SLC22A16: variants seen among roughly 807,000 people sequenced by gnomAD.
SLC22A16 encodes the protein WUGSC:RG331P03.1.
A neutral mutation model predicts 52.9 loss-of-function variants in SLC22A16; 53 were observed. The observed-to-expected ratio is 1.00, with a 90% CI of 0.80 to 1.26. The LOEUF (loss-of-function observed/expected upper bound fraction) is 1.26, where lower values mean the gene tolerates loss of function less well. Ranked by LOEUF, SLC22A16 falls within the 50% of genes most tolerant of loss-of-function variation. SLC22A16 has a pLI of 0.00. For synonymous variants in SLC22A16, 291 were observed against 268.8 expected, an observed-to-expected ratio of 1.08 and a Z score of -0.81; for missense variants, 726 against 704.0, an observed-to-expected ratio of 1.03 and a Z score of -0.35.
intron 1 of SLC22A16, among the ~76,000 whole-genome samples, chr6:110,466,786 A>C (rs1305857223): frequency 6.6e-6 from 1 of 152,210 alleles, no homozygotes; most frequent in Non-Finnish European, 1.5e-5. Context: ...ATTTACCCAA[A>C]GGAAAAGAAA....
chr6:110,463,731 A>G (rs1054715061), intron 1 of SLC22A16, among the ~76,000 whole-genome samples: 3 of 152,006 alleles, frequency 2.0e-5, no homozygotes, highest in African/African-American at 7.2e-5. Context: ...TAAGCTGTCA[A>G]TGATGACAGA....
Position 110,446,941 on chromosome 6 carries a change from AC to A in SLC22A16, c.582del (p.Leu194PhefsTer4). 6.2e-7 allele frequency: 1 copy of A among 1,613,976 alleles called. No homozygotes were observed. The highest frequency in any genetic ancestry group is 8.5e-7 in the Non-Finnish European group (1 of 1,179,886). On this transcript the variant is annotated frameshift_variant, in exon 3 of 8. Coordinates refer to ENST00000368919, the MANE Select transcript of SLC22A16 (RefSeq NM_033125.4). LOFTEE classifies it high-confidence loss of function. ...VLWATSSSMF[L>X]FGIAAAFAVD... ...ACTGCAAACGCCGCTGCTATTCCAA[AC>A]AAAAACATGCTACTGCTTGTGGCCC...
At chr6:110,433,965 A>G (rs10457208) in intron 6 of SLC22A16, among the ~76,000 whole-genome samples, 14,954 of 152,174 alleles carry the variant, frequency 0.098, 1,428 homozygotes, top group African/African-American at 0.25. Flanking sequence ...GACGGGCCGG[A>G]CGCAGTGGCT....
chr6:110,473,926 A>C (rs1776366326), intron 1 of SLC22A16, among the ~76,000 whole-genome samples: 1 of 152,000 alleles, frequency 6.6e-6, no homozygotes, highest in Admixed American at 6.5e-5. Flanking sequence ...AGGGGTCCCA[A>C]AGCCCCAGGC....
At chr6:110,453,339 G>A (rs1775456095) in intron 2 of SLC22A16, among the ~76,000 whole-genome samples, 1 of 151,980 alleles carries the variant, frequency 6.6e-6, no homozygotes, top group South Asian at 2.1e-4. Context: ...TATGTCTTTT[G>A]GTTTTCACTG....
At chr6:110,474,862 A>G (rs1274272166) in intron 1 of SLC22A16, 4 of 509,544 alleles carry the variant, frequency 7.9e-6, no homozygotes, top group Non-Finnish European at 1.2e-5. Context: ...TTAGTCAAAC[A>G]CCAACTAATA....
chr6:110,467,270 T>C (rs1312722550), intron 1 of SLC22A16, among the ~76,000 whole-genome samples: 1 of 152,150 alleles, frequency 6.6e-6, no homozygotes, highest in Non-Finnish European at 1.5e-5. Context: ...GTCTTTTTAC[T>C]TGCTTCCGCC....
intron 6 of SLC22A16, among the ~76,000 whole-genome samples, chr6:110,433,632 G>T (rs1582524218): frequency 6.6e-6 from 1 of 152,178 alleles, no homozygotes; most frequent in African/African-American, 2.4e-5. Context: ...TAAGCAGTTA[G>T]ATTTTTTAAT....
At position 110,433,302 on chromosome 6, in the gene SLC22A16, T is replaced by A. The variant is rs567613722; in HGVS notation, c.1422-2032A>T. 9.9e-5 allele frequency among the ~76,000 whole-genome samples: 15 copies of A among 152,154 alleles called. 1 individual carries two copies. Among genetic ancestry groups the A allele is most frequent in the Admixed American group, 3.3e-4 (5 of 15,276 alleles). ...ATCTATCCATTCTTCCATCCCTCCA[T>A]CCATCCATCCATCCATCTAGATATC... On this transcript the variant is annotated intron_variant, in intron 6 of 7. Transcript: ENST00000368919.
At chr6:110,447,103 T>A in intron 2 of SLC22A16, 113 bp from the exon 3 acceptor site, 1 of 770,708 alleles carries the variant, frequency 1.3e-6, no homozygotes, top group Non-Finnish European at 2.1e-6. Context: ...ATAGCTTATG[T>A]ATTGATTGTT....
chr6:110,433,180 A>T (rs1774575778), intron 6 of SLC22A16, among the ~76,000 whole-genome samples: 1 of 152,210 alleles, frequency 6.6e-6, no homozygotes, highest in African/African-American at 2.4e-5. Context: ...GGGCTAATAG[A>T]CAATTACATA....
In SLC22A16 at chr6:110,446,896, C is replaced by A. The variant is rs1340213106; in HGVS notation, c.628G>T (p.Ala210Ser). 1 of 1,613,204 alleles carries A rather than the reference C, an allele frequency of 6.2e-7. No homozygotes were observed. Among genetic ancestry groups the A allele is most frequent in the Non-Finnish European group, 8.5e-7 (1 of 1,179,750 alleles). The change falls in exon 3 of 8, where the codon GCT (alanine) becomes TCT (serine). Residue 210 changes from alanine (A) to serine (S), a missense_variant. Coordinates refer to ENST00000368919, the MANE Select transcript of SLC22A16 (RefSeq NM_033125.4). ...ACCATGGCAAGAAAAAAGCGAGCAG[C>A]CATGAAGGTGTAATAATCAACTGCA... The part of the protein sequence containing the change: ...AFAVDYYTFM[A>S]ARFFLAMVAS...
intron 1 of SLC22A16, chr6:110,474,803 AC>A (rs1420073141): frequency 1.0e-4 from 43 of 418,390 alleles, no homozygotes; most frequent in South Asian, 7.5e-4. Flanking sequence ...GTGGGCAGTT[AC>A]TGGAGAGGCA....
intron 1 of SLC22A16, among the ~76,000 whole-genome samples, chr6:110,470,372 C>T (rs971982848): frequency 6.6e-6 from 1 of 152,076 alleles, no homozygotes; most frequent in African/African-American, 2.4e-5. Flanking sequence ...GTTTAACTTG[C>T]CTAAAGTTTA....
intron 1 of SLC22A16, chr6:110,474,962 G>T (rs1158495029): frequency 1.9e-6 from 1 of 519,024 alleles, no homozygotes; most frequent in Admixed American, 1.9e-5. Context: ...ATGAGAAACT[G>T]CATGCAGAGT....
At chr6:110,459,462 G>T (rs2114998906) in intron 1 of SLC22A16, among the ~76,000 whole-genome samples, 1 of 152,248 alleles carries the variant, frequency 6.6e-6, no homozygotes, top group Middle Eastern at 3.4e-3. Context: ...ACCCCAGATT[G>T]GGGGTCATCT....
intron 2 of SLC22A16, among the ~76,000 whole-genome samples, chr6:110,449,085 A>G (rs1775279352): frequency 6.6e-6 from 1 of 151,900 alleles, no homozygotes; most frequent in African/African-American, 2.4e-5. Flanking sequence ...CTCAACTCCT[A>G]CATGTTTCCT....
At chr6:110,454,608 ATATTT>A (rs1434274344) in intron 2 of SLC22A16, among the ~76,000 whole-genome samples, 20 of 88,422 alleles carry the variant, frequency 2.3e-4, no homozygotes, top group Admixed American at 1.1e-3. Flanking sequence ...TATATATTAT[ATATTT>A]TATATATAAT....
intron 1 of SLC22A16, among the ~76,000 whole-genome samples, chr6:110,471,978 C>G (rs1776275752): frequency 6.6e-6 from 1 of 152,340 alleles, no homozygotes; most frequent in South Asian, 2.1e-4. Context: ...GGGTGGCCAC[C>G]TGATCCATAT....
Sources: gnomAD v4.1 joint callset for allele counts (sites outside exome capture counted in the v4.1 genomes callset) on GRCh38, gnomAD v4.1.1 for gene constraint, MANE v1.5 for transcripts, NCBI Gene and HGNC (gene_info 2026-07-23, HGNC 2026-07-21) for gene names.